Variants in PTPRK observed in about 807,000 individuals in gnomAD.
The protein encoded by PTPRK is protein tyrosine phosphatase receptor type K, also known as receptor-type tyrosine-protein phosphatase kappa.
In PTPRK, 75 loss-of-function variants were observed where a neutral mutation model predicts 178.0. That is an observed-to-expected ratio of 0.42 (90% CI 0.35 to 0.51). The LOEUF is 0.51. Among genes scored for constraint, PTPRK ranks in the 20% least tolerant of loss-of-function variants. PTPRK has a pLI of 0.02. For missense variants in PTPRK, 1,441 were observed against 1,797.8 expected, an observed-to-expected ratio of 0.80 and a Z score of 3.59; for synonymous variants, 637 against 620.6, an observed-to-expected ratio of 1.03 and a Z score of -0.39.
chr6:128,061,275 C>G (rs1395771657), intron 13 of PTPRK, among the ~76,000 whole-genome samples: 1 of 151,972 alleles, frequency 6.6e-6, no homozygotes, highest in Non-Finnish European at 1.5e-5. Context: ...ACACTTTGTT[C>G]AAGGTACTTT....
chr6:128,192,521 C>T (rs1256463249), intron 6 of PTPRK, among the ~76,000 whole-genome samples: 2 of 151,980 alleles, frequency 1.3e-5, no homozygotes, highest in African/African-American at 4.8e-5. Context: ...CCCATGCCAC[C>T]GTAAGAAAAA....
intron 2 of PTPRK, among the ~76,000 whole-genome samples, chr6:128,346,517 A>C (rs964758980): frequency 2.0e-5 from 3 of 152,180 alleles, no homozygotes; most frequent in African/African-American, 7.2e-5. Flanking sequence ...TATATATTAC[A>C]TGAAATAGAA....
intron 1 of PTPRK, among the ~76,000 whole-genome samples, chr6:128,486,063 T>C (rs946305180): frequency 4.6e-5 from 7 of 152,192 alleles, no homozygotes; most frequent in Non-Finnish European, 1.0e-4. Flanking sequence ...TGTATGTTCA[T>C]TAAATAGTTT....
chr6:128,166,169 G>T (rs1799365824), intron 7 of PTPRK, among the ~76,000 whole-genome samples: 1 of 151,604 alleles, frequency 6.6e-6, no homozygotes, highest in Admixed American at 6.6e-5. Context: ...CACAAGGATT[G>T]CCTGAAGGTT....
chr6:128,227,143 T>C (rs1811490439), intron 5 of PTPRK, among the ~76,000 whole-genome samples: 1 of 152,146 alleles, frequency 6.6e-6, no homozygotes, highest in South Asian at 2.1e-4. Flanking sequence ...TAGAACATTT[T>C]AGTCAAACAA....
chr6:128,006,771 T>C (rs1416127235), intron 14 of PTPRK, among the ~76,000 whole-genome samples: 1 of 150,956 alleles, frequency 6.6e-6, no homozygotes, highest in African/African-American at 2.4e-5. Flanking sequence ...AATAATTGAA[T>C]AGCGATTAAA....
intron 1 of PTPRK, 123 bp from the exon 2 acceptor site, chr6:128,397,811 A>G (rs1196086119): frequency 2.5e-5 from 23 of 905,550 alleles, no homozygotes; most frequent in Non-Finnish European, 2.3e-5. Context: ...AATAAATGGT[A>G]CTCCTGTTTA....
chr6:128,176,437 G>A (rs1475940811), intron 7 of PTPRK, among the ~76,000 whole-genome samples: 1 of 151,758 alleles, frequency 6.6e-6, no homozygotes, highest in East Asian at 1.9e-4. Flanking sequence ...AGATGATTTG[G>A]CTGAGACAAT....
At chr6:128,294,110 A>G (rs1309391219) in intron 3 of PTPRK, among the ~76,000 whole-genome samples, 3 of 152,118 alleles carry the variant, frequency 2.0e-5, no homozygotes, top group Admixed American at 2.0e-4. Flanking sequence ...TTTATGTTTG[A>G]TACATTAGTA....
chr6:128,057,805 C>T (rs1780151113), intron 13 of PTPRK, among the ~76,000 whole-genome samples: 1 of 152,126 alleles, frequency 6.6e-6, no homozygotes, highest in East Asian at 1.9e-4. Context: ...TCTCGGGAAC[C>T]CCTGAGACAG....
intron 7 of PTPRK, among the ~76,000 whole-genome samples, chr6:128,153,309 G>T (rs1454144710): frequency 6.6e-6 from 1 of 151,690 alleles, no homozygotes; most frequent in South Asian, 2.1e-4. Context: ...AAAATCAGGC[G>T]ATTTCCTCAG....
At chr6:128,232,164 T>A (rs1812414273) in intron 5 of PTPRK, 1 of 152,242 alleles carries the variant, frequency 6.6e-6, no homozygotes, top group East Asian at 1.9e-4. Flanking sequence ...TCCCCACACA[T>A]ACACACGACG....
chr6:128,020,084 T>C (rs1370859202), intron 13 of PTPRK, among the ~76,000 whole-genome samples: 1 of 152,098 alleles, frequency 6.6e-6, no homozygotes, highest in African/African-American at 2.4e-5. Flanking sequence ...TAAAATTTAA[T>C]TTGGGGAAGT....
chr6:128,148,983 C>T (rs554628359), intron 7 of PTPRK, among the ~76,000 whole-genome samples: 1 of 151,940 alleles, frequency 6.6e-6, no homozygotes, highest in East Asian at 1.9e-4. Context: ...TTACCTGTTT[C>T]CATGATTTCA....
intron 7 of PTPRK, among the ~76,000 whole-genome samples, chr6:128,152,926 C>T (rs1442826329): frequency 1.3e-5 from 2 of 151,916 alleles, no homozygotes; most frequent in Non-Finnish European, 2.9e-5. Flanking sequence ...TACCTGGTGA[C>T]CTGCCTGGAA....
chr6:128,205,878 CA>C (rs1202950080), intron 6 of PTPRK, among the ~76,000 whole-genome samples: 1 of 147,066 alleles, frequency 6.8e-6, no homozygotes, highest in East Asian at 2.1e-4. Context: ...ATATTTCATT[CA>C]AAAGATAAGT....
At chr6:128,131,693 T>C (rs973494615) in intron 7 of PTPRK, among the ~76,000 whole-genome samples, 1 of 152,200 alleles carries the variant, frequency 6.6e-6, no homozygotes, top group Admixed American at 6.5e-5. Flanking sequence ...TTGTTTTAAA[T>C]TAACGAGGCT....
intron 7 of PTPRK, among the ~76,000 whole-genome samples, chr6:128,104,282 A>C (rs1789292983): frequency 6.6e-6 from 1 of 152,152 alleles, no homozygotes; most frequent in Admixed American, 6.5e-5. Flanking sequence ...GCTGGAGTAC[A>C]GTGGTGCGAT....
intron 7 of PTPRK, among the ~76,000 whole-genome samples, chr6:128,150,604 G>A (rs905295850): frequency 1.3e-5 from 2 of 152,024 alleles, no homozygotes; most frequent in African/African-American, 4.8e-5. Flanking sequence ...CTTTCAAACA[G>A]CTGACTGCTA....
Sources: allele counts gnomAD v4.1 joint callset (sites outside exome capture counted in the v4.1 genomes callset), GRCh38; gene constraint gnomAD v4.1.1; transcripts MANE v1.5; gene names NCBI Gene and HGNC (gene_info 2026-07-23, HGNC 2026-07-21).